Variants in MDN1 observed in about 807,000 individuals in gnomAD.
MDN1 encodes midasin AAA ATPase 1, also known as midasin.
MDN1 carries 266 observed loss-of-function variants against 669.2 expected under a neutral mutation model. That is an observed-to-expected ratio of 0.40 (90% CI 0.36 to 0.44). The LOEUF (loss-of-function observed/expected upper bound fraction) is 0.44, where lower values mean the gene tolerates loss of function less well. Ranked by LOEUF, MDN1 falls within the 20% of genes least tolerant of loss-of-function variation. MDN1 has a pLI of 1.00. For synonymous variants in MDN1, 2,385 were observed against 2,457.1 expected (o/e 0.97, Z 0.87); for missense variants, 5,940 against 6,754.0 (o/e 0.88, Z 4.22).
chr6:89,717,928 G>T (rs75107211), intron 43 of MDN1, among the ~76,000 whole-genome samples: 4,658 of 152,264 alleles, frequency 0.031, 120 homozygotes, highest in South Asian at 0.13. Flanking sequence ...ACCACAAAAT[G>T]AGAGAAATTT....
Position 89,661,551 on chromosome 6 carries a change from G to A in MDN1, c.14593C>T (p.Pro4865Ser). The change falls in exon 88 of 102, where the codon CCT becomes TCT. Residue 4865 changes from proline (P) to serine (S), a missense_variant. Pro to Ser is a moderately conservative substitution (Grantham distance 74). This residue lies in a region of MDN1 where 2,280 missense variants were observed against 2,576.3 expected (regional missense o/e 0.88). Transcript: ENST00000369393. Reference protein sequence around the residue: ...ERDYDENEVDPYHGNQEKVPE... With the variant: ...ERDYDENEVDSYHGNQEKVPE... ...ACCTTTTCCTGATTGCCATGGTAAG[G>A]GTCCACCTCATTTTCATCATAGTCC... 7.4e-6 allele frequency: 12 copies of A among 1,614,002 alleles called. No individual in the cohort carries two copies. In the South Asian group the frequency reaches 9.9e-5, roughly 13 times the overall value.
intron 15 of MDN1, among the ~76,000 whole-genome samples, chr6:89,770,397 T>C (rs996196124): frequency 7.1e-6 from 1 of 141,214 alleles, no homozygotes; most frequent in African/African-American, 2.7e-5. Context: ...CAAGACTCTG[T>C]CTCAAAAAAA....
chr6:89,737,415 TAAAAAATG>T (rs746160120), intron 33 of MDN1, among the ~76,000 whole-genome samples: 6 of 152,018 alleles, frequency 3.9e-5, no homozygotes, highest in African/African-American at 7.2e-5. Flanking sequence ...TTTAAGAATA[TAAAAAATG>T]ATCCAAAAAA....
In MDN1 at chr6:89,697,111, T is replaced by C. The variant is rs540877501; in HGVS notation, c.9169-537A>G. 1.5e-3 allele frequency among the ~76,000 whole-genome samples: 221 copies of C among 152,260 alleles called. 1 individual carries two copies. Among genetic ancestry groups the C allele is most frequent in the Admixed American group, 3.7e-3 (56 of 15,284 alleles). Reference sequence around the variant, plus strand: ...TGAGGGGTGTTTTACAATAAATCCATTTTGATAGTGCAAAAGAATGGAATA... The same window carrying C: ...TGAGGGGTGTTTTACAATAAATCCACTTTGATAGTGCAAAAGAATGGAATA... On this transcript the variant is annotated intron_variant, in intron 59 of 101. Coordinates refer to ENST00000369393, the MANE Select transcript of MDN1 (RefSeq NM_014611.3).
At chr6:89,654,654 T>C (rs1375990074) in intron 92 of MDN1, among the ~76,000 whole-genome samples, 1 of 152,058 alleles carries the variant, frequency 6.6e-6, no homozygotes, top group Non-Finnish European at 1.5e-5. Context: ...TTTGACAAAA[T>C]AGGGTGTTTA....
chr6:89,712,376 C>A (rs973515552), intron 48 of MDN1, 120 bp from the exon 49 acceptor site: 1 of 1,071,054 alleles, frequency 9.3e-7, no homozygotes, highest in African/African-American at 1.6e-5. Context: ...AAAGGAGAGT[C>A]TCCCACAGAG....
At chr6:89,775,735 G>C (rs1173318723) in intron 12 of MDN1, among the ~76,000 whole-genome samples, 1 of 152,110 alleles carries the variant, frequency 6.6e-6, no homozygotes, top group African/African-American at 2.4e-5. Flanking sequence ...GCCCACGTTG[G>C]AGTGCAGTGG....
At chr6:89,688,203 T>A (rs199604939) in intron 66 of MDN1, 30 bp from the exon 67 acceptor site, 3 of 1,570,530 alleles carry the variant, frequency 1.9e-6, no homozygotes, top group Middle Eastern at 3.3e-4. Flanking sequence ...GGTATCTCAG[T>A]AGGAATACCA....
chr6:89,696,512 G>C lies in MDN1; in HGVS notation c.9231C>G (p.Ser3077Arg). 6.2e-7 allele frequency: 1 copy of C among 1,614,216 alleles called. No individual in the cohort carries two copies. The change falls in exon 60 of 102, where the codon AGC (serine) becomes AGG (arginine). Residue 3077 changes from serine (S) to arginine (R), a missense_variant. Physicochemically the swap from Ser to Arg is moderately radical, Grantham distance 110. Transcript: ENST00000369393. ...TCACATCCCAGGGACTTGCTCTCCA[G>C]CTGCTGGTTAAGACTTCAAAGCAGC... ...SKCCFEVLTS[S>R]WRASPWDVSG...
At chr6:89,738,050 A>C (rs1462608548) in intron 33 of MDN1, among the ~76,000 whole-genome samples, 4 of 152,204 alleles carry the variant, frequency 2.6e-5, no homozygotes, top group Non-Finnish European at 5.9e-5. Flanking sequence ...AAAGTGAAAG[A>C]ATAACATGTT....
chr6:89,790,441 TC>T, intron 5 of MDN1, 40 bp from the exon 6 acceptor site: 3 of 1,611,514 alleles, frequency 1.9e-6, no homozygotes, highest in East Asian at 2.2e-5. Flanking sequence ...GAAGAGTTCT[TC>T]CCCCAAGGAA....
intron 59 of MDN1, 80 bp downstream of exon 59, chr6:89,698,785 G>C: frequency 1.4e-6 from 2 of 1,433,966 alleles, no homozygotes; most frequent in Non-Finnish European, 1.9e-6. Context: ...TCTATGCTAG[G>C]AATAAATGTT....
At chr6:89,677,312 T>A (rs1811263755) in intron 76 of MDN1, among the ~76,000 whole-genome samples, 1 of 152,098 alleles carries the variant, frequency 6.6e-6, no homozygotes, top group Non-Finnish European at 1.5e-5. Context: ...CAGGCTGGTC[T>A]TGAACTCCTG....
At chr6:89,661,616 T>C (rs780000811) in intron 87 of MDN1, 38 bp from the exon 88 acceptor site, 1 of 1,554,846 alleles carries the variant, frequency 6.4e-7, no homozygotes, top group South Asian at 1.2e-5. Flanking sequence ...AAAATAAAAA[T>C]ACAAATATTT....
chr6:89,680,305 A>G (rs939623933), intron 74 of MDN1, among the ~76,000 whole-genome samples: 1 of 152,196 alleles, frequency 6.6e-6, no homozygotes, highest in African/African-American at 2.4e-5. Context: ...GTGCCCCTTT[A>G]CTGGTAACAC....
Position 89,758,836 on chromosome 6 carries a change from A to C in MDN1, c.2585T>G (p.Leu862Trp). 6.2e-7 allele frequency: 1 copy of C among 1,614,180 alleles called. No individual in the cohort carries two copies. Among genetic ancestry groups the C allele is most frequent in the South Asian group, 1.1e-5 (1 of 91,084 alleles). Residue 862 changes from leucine (L) to tryptophan (W), a missense_variant, in exon 18 of 102, where the codon TTG (leucine) becomes TGG (tryptophan). Coordinates refer to ENST00000369393, the MANE Select transcript of MDN1 (RefSeq NM_014611.3). ...GCTACCTGTGTCTCCTCGATCCAGC[A>C]ACACCAGGGATCCAGAAGATCCTTC... is the stretch of plus-strand genomic sequence containing the variant. ...LLEGSSGSLV[L>W]LDRGDTEPLV...
rs1809471013 is a variant in MDN1 at position 89,658,311 on chromosome 6, C to T, written c.15081G>A (p.Arg5027=). ...TEEQVPEALE[R]KEHASCGQTG... ...TCTGCCCACAGGAGGCATGCTCCTTCCTCTCCAAAGCCTCTGGCACCTGCT... is the reference window on the plus strand; with the variant it reads ...TCTGCCCACAGGAGGCATGCTCCTTTCTCTCCAAAGCCTCTGGCACCTGCT... The change falls in exon 90 of 102, where the codon AGG becomes AGA. Residue 5027 remains arginine (R), a synonymous_variant. Coordinates refer to ENST00000369393, the MANE Select transcript of MDN1 (RefSeq NM_014611.3). 3 of 1,614,114 alleles carry T rather than the reference C, an allele frequency of 1.9e-6. No individual in the cohort carries two copies. The highest frequency in any genetic ancestry group is 2.5e-6 in the Non-Finnish European group (3 of 1,180,044).
At chr6:89,812,586 A>G (rs558205301) in intron 1 of MDN1, among the ~76,000 whole-genome samples, 1 of 152,150 alleles carries the variant, frequency 6.6e-6, no homozygotes, top group African/African-American at 2.4e-5. Flanking sequence ...GAGTAATGAA[A>G]TTACTACACT....
intron 53 of MDN1, among the ~76,000 whole-genome samples, chr6:89,704,369 G>A (rs561085217): frequency 2.0e-5 from 3 of 152,202 alleles, no homozygotes; most frequent in Non-Finnish European, 4.4e-5. Flanking sequence ...GCGACAGAGC[G>A]AGACTCTGTC....
Sources: allele counts gnomAD v4.1 joint callset (sites outside exome capture counted in the v4.1 genomes callset), GRCh38; gene constraint gnomAD v4.1.1; regional missense constraint gnomAD v4.1.1; transcripts MANE v1.5; gene names NCBI Gene and HGNC (gene_info 2026-07-23, HGNC 2026-07-21).